Variants in SEL1L3 observed in about 807,000 individuals in gnomAD.
SEL1L3 encodes the protein protein sel-1 homolog 3.
Under a neutral mutation model 142.8 loss-of-function variants are expected in SEL1L3, and 76 were observed. The observed-to-expected ratio is 0.53, with a 90% CI of 0.44 to 0.64. The LOEUF is 0.64. SEL1L3 is among the 30% of genes least tolerant of loss of function. The pLI, the probability that SEL1L3 is intolerant of heterozygous loss-of-function variation, is 0.00. For missense variants in SEL1L3, 1,262 were observed against 1,381.7 expected (o/e 0.91, Z 1.37); for synonymous variants, 504 against 519.6 (o/e 0.97, Z 0.41).
At chr4:25,799,193 G>A (rs1713004147) in intron 11 of SEL1L3, among the ~76,000 whole-genome samples, 1 of 152,140 alleles carries the variant, frequency 6.6e-6, no homozygotes, top group African/African-American at 2.4e-5. Context: ...TCGTGCCTCA[G>A]CCTCCCAAGT....
chr4:25,857,523 C>T (rs1577706610), intron 1 of SEL1L3, among the ~76,000 whole-genome samples: 1 of 152,184 alleles, frequency 6.6e-6, no homozygotes. Flanking sequence ...CACATGGGAC[C>T]TCATAGAACT....
At chr4:25,757,096 C>T (rs1046945808) in intron 23 of SEL1L3, among the ~76,000 whole-genome samples, 3 of 151,838 alleles carry the variant, frequency 2.0e-5, no homozygotes, top group African/African-American at 7.3e-5. Flanking sequence ...GGTGAAACCC[C>T]GTCTCTACTA....
At chr4:25,746,819 A>G (rs1329695591), downstream of SEL1L3, among the ~76,000 whole-genome samples, 2 of 151,902 alleles carry the variant, frequency 1.3e-5, no homozygotes, top group African/African-American at 2.4e-5. Context: ...TCTTTTCTTT[A>G]TAAATTACCC....
chr4:25,833,430 G>T lies in SEL1L3; in HGVS notation c.982+18C>A, dbSNP rs763067584. ...ACAAAATTACAATATCATTTTAAAG[G>T]TTCTGTTTTATACTCACCCTCTTCC... On this transcript the variant is annotated intron_variant, in intron 4 of 23. Transcript: ENST00000399878. 7 of 1,602,554 alleles carry T rather than the reference G, an allele frequency of 4.4e-6. No individual in the cohort carries two copies. Among genetic ancestry groups the T allele is most frequent in the African/African-American group, 4.0e-5 (3 of 74,454 alleles).
chr4:25,802,364 CA>C lies in SEL1L3; in HGVS notation c.1874del (p.Leu625ArgfsTer36). 6.2e-7 allele frequency: 1 copy of C among 1,613,838 alleles called. No individual in the cohort carries two copies. Among genetic ancestry groups the C allele is most frequent in the Non-Finnish European group, 8.5e-7 (1 of 1,179,844 alleles). On this transcript the variant is annotated frameshift_variant, in exon 11 of 24. Transcript: ENST00000399878. LOFTEE classifies it high-confidence loss of function. ...AGTAGGCATACGACAGTTCCCAGTC[CA>C]GGGGGTAGTTGTCAATACCCTGGTA... ...KHYQGIDNYPLDWELSYAYYS... is the reference protein window; with the variant it reads ...KHYQGIDNYPXDWELSYAYYS...
rs1277424459 is a variant in SEL1L3 at position 25,847,592 on chromosome 4, T to A, written c.435A>T (p.Ile145=). The A allele has an allele frequency of 1.2e-6, 2 of 1,614,048 alleles. No individual in the cohort carries two copies. Among genetic ancestry groups the A allele is most frequent in the Non-Finnish European group, 1.7e-6 (2 of 1,179,894 alleles). The change falls in exon 2 of 24, where the codon ATA becomes ATT. Residue 145 remains isoleucine (I), a synonymous_variant. Transcript: ENST00000399878. ...EKHLHTSRTQ[I]VHVKFPSIMV... is the part of the protein sequence containing the mutation. ...TAATGCTTGGAAATTTCACATGTAC[T>A]ATTTGTGTCCTGCTGGTGTGAAGAT...
chr4:25,741,610 C>T, the SEL1L3 span, among the ~76,000 whole-genome samples: 1 of 152,038 alleles, frequency 6.6e-6, no homozygotes, highest in African/African-American at 2.4e-5. Flanking sequence ...ACATTCTTTG[C>T]ACATTCTAGA....
intron 6 of SEL1L3, among the ~76,000 whole-genome samples, chr4:25,829,546 G>T (rs548089771): frequency 2.2e-4 from 33 of 152,156 alleles, no homozygotes; most frequent in Non-Finnish European, 4.1e-4. Flanking sequence ...ATTATACGTG[G>T]ATGTAGAAGT....
intron 2 of SEL1L3, among the ~76,000 whole-genome samples, chr4:25,845,731 G>A (rs1716463398): frequency 6.6e-6 from 1 of 151,298 alleles, no homozygotes; most frequent in Non-Finnish European, 1.5e-5. Context: ...TAGAGTGCAT[G>A]TCCTTAAGTC....
At chr4:25,750,141 G>A (rs1332709798) in intron 23 of SEL1L3, among the ~76,000 whole-genome samples, 2 of 151,564 alleles carry the variant, frequency 1.3e-5, no homozygotes, top group South Asian at 2.1e-4. Context: ...GGCTAAAGCC[G>A]GAGAATTGCT....
At chr4:25,733,066 T>A in the SEL1L3 span, among the ~76,000 whole-genome samples, 1 of 114,310 alleles carries the variant, frequency 8.7e-6, no homozygotes, top group African/African-American at 2.9e-5. Context: ...CTTTGTTATT[T>A]TTTTTTTTTC....
chr4:25,817,125 G>A (rs1299371346), intron 9 of SEL1L3, among the ~76,000 whole-genome samples: 3 of 152,246 alleles, frequency 2.0e-5, no homozygotes, highest in Non-Finnish European at 4.4e-5. Context: ...GTAAGCATCA[G>A]AAGAATGAAT....
intron 9 of SEL1L3, among the ~76,000 whole-genome samples, chr4:25,817,147 C>T (rs768835436): frequency 2.6e-5 from 4 of 152,152 alleles, no homozygotes; most frequent in South Asian, 2.1e-4. Flanking sequence ...ATAAAATATC[C>T]TATATGACTT....
chr4:25,765,663 G>A (rs959730673), intron 19 of SEL1L3, among the ~76,000 whole-genome samples: 11 of 151,484 alleles, frequency 7.3e-5, no homozygotes, highest in South Asian at 4.2e-4. Context: ...AATTTTTTGC[G>A]ATAGGGTCTC....
the SEL1L3 span, among the ~76,000 whole-genome samples, chr4:25,733,030 G>A: frequency 6.6e-6 from 1 of 151,626 alleles, no homozygotes; most frequent in Non-Finnish European, 1.5e-5. Context: ...ACAGGCATGA[G>A]CCACTGCGCC....
In SEL1L3 at chr4:25,790,561, G is replaced by A; in HGVS notation, c.1970C>T (p.Thr657Ile). ...TATTTCATCATCTTTTAGTCTAATT[G>A]TTTCAACATATGCCTGAGAAGGAAG... ...TLQGDQAYVE[T>I]IRLKDDEILK... The change falls in exon 12 of 24, where the codon ACA (threonine) becomes ATA (isoleucine). Residue 657 changes from threonine to isoleucine, a missense_variant. Coordinates refer to ENST00000399878, the MANE Select transcript of SEL1L3 (RefSeq NM_015187.5). 2 of 1,606,120 alleles carry A rather than the reference G, an allele frequency of 1.2e-6. No individual in the cohort carries two copies. The highest frequency in any genetic ancestry group is 8.5e-7 in the Non-Finnish European group (1 of 1,175,108).
the SEL1L3 span, among the ~76,000 whole-genome samples, chr4:25,731,474 G>A: frequency 6.6e-6 from 1 of 152,156 alleles, no homozygotes; most frequent in Non-Finnish European, 1.5e-5. Context: ...CCAGAAGTTT[G>A]AAAAGCATCC....
intron 11 of SEL1L3, 61 bp from the exon 12 acceptor site, chr4:25,790,635 G>GAAGGAAGGAAGGAAGGAAGGAAGGAAGT (rs1712239988): frequency 3.0e-5 from 1 of 32,832 alleles, no homozygotes; most frequent in Non-Finnish European, 5.8e-5. Context: ...AGGAAGGAAG[G>GAAGGAAGGAAGGAAGGAAGGAAGGAAGT]AAGGAAGGAA....
chr4:25,714,973 A>G, the SEL1L3 span, among the ~76,000 whole-genome samples: 1 of 152,192 alleles, frequency 6.6e-6, no homozygotes, highest in Non-Finnish European at 1.5e-5. Flanking sequence ...CTCAAATCAT[A>G]AAACAAAAAC....
Sources: gnomAD v4.1 joint callset for allele counts (sites outside exome capture counted in the v4.1 genomes callset) on GRCh38, gnomAD v4.1.1 for gene constraint, MANE v1.5 for transcripts, NCBI Gene and HGNC (gene_info 2026-07-23, HGNC 2026-07-21) for gene names.